Variants in ACMSD observed in about 807,000 individuals in gnomAD.
The protein encoded by ACMSD is 2-amino-3-carboxymuconate-6-semialdehyde decarboxylase.
A neutral mutation model predicts 45.9 loss-of-function variants in ACMSD; 37 were observed. The observed-to-expected ratio is 0.81, with a 90% confidence interval of 0.62 to 1.06. ACMSD has a LOEUF of 1.06. ACMSD is among the 50% of genes least tolerant of loss of function. The probability of loss-of-function intolerance (pLI) is 0.00; values close to 1 mark genes in which losing one functional copy is unlikely to be tolerated. For missense variants in ACMSD, 434 were observed against 420.9 expected (o/e 1.03, Z -0.27); for synonymous variants, 138 against 148.8 (o/e 0.93, Z 0.53).
chr2:134,843,392 C>CTAGCCCCAAA (rs1686897186), intron 1 of ACMSD, among the ~76,000 whole-genome samples: 1 of 152,158 alleles, frequency 6.6e-6, no homozygotes, highest in African/African-American at 2.4e-5. Context: ...AAGAACAGAC[C>CTAGCCCCAAA]TTATACCTGG....
chr2:134,858,948 T>G lies in ACMSD; in HGVS notation c.103-313T>G, dbSNP rs1687718727. Among the ~76,000 whole-genome samples the G allele has an allele frequency of 2.7e-5, 4 of 147,504 alleles. No homozygotes were observed. In the Admixed American group the frequency reaches 2.8e-4, roughly 10 times the overall value. On this transcript the variant is annotated intron_variant, in intron 2 of 9. Coordinates refer to ENST00000356140, the MANE Select transcript of ACMSD (RefSeq NM_138326.3). ...AGACGCTGGGCCATCCTCTTGTATC[T>G]AGTAGCCAGGGGTTCAGATCAGCAA... is the stretch of plus-strand genomic sequence containing the variant.
chr2:134,869,306 G>A (rs766707719), intron 6 of ACMSD, among the ~76,000 whole-genome samples: 12 of 151,884 alleles, frequency 7.9e-5, no homozygotes, highest in East Asian at 3.9e-4. Flanking sequence ...TCTGCCTCCC[G>A]GGTTCAAGTG....
intron 2 of ACMSD, among the ~76,000 whole-genome samples, chr2:134,853,005 A>G (rs1462385045): frequency 6.6e-6 from 1 of 152,058 alleles, no homozygotes; most frequent in Non-Finnish European, 1.5e-5. Context: ...TCTACTAAAA[A>G]TACAAAAATT....
intron 1 of ACMSD, among the ~76,000 whole-genome samples, chr2:134,840,115 A>G (rs536380611): frequency 2.5e-4 from 36 of 143,514 alleles, no homozygotes; most frequent in African/African-American, 8.9e-4. Flanking sequence ...AGTTTTAGAA[A>G]AATCCAAATT....
intron 9 of ACMSD, 59 bp downstream of exon 9, chr2:134,898,498 G>A: frequency 1.6e-6 from 2 of 1,226,098 alleles, no homozygotes; most frequent in Non-Finnish European, 1.1e-6. Flanking sequence ...AATTGGGTTT[G>A]GTTTCAGAGC....
intron 3 of ACMSD, among the ~76,000 whole-genome samples, chr2:134,861,330 G>A (rs1177077616): frequency 1.3e-5 from 2 of 152,166 alleles, no homozygotes; most frequent in East Asian, 1.9e-4. Context: ...CACGGTAAAC[G>A]AAGTGTGTGT....
chr2:134,900,729 T>C (rs1186742448), intron 9 of ACMSD, among the ~76,000 whole-genome samples: 4 of 152,172 alleles, frequency 2.6e-5, no homozygotes. Flanking sequence ...AAGGGGGGAC[T>C]GCTGTATATA....
rs1688171319 is a variant in ACMSD, at chr2:134,867,687, G to A, written c.580+15G>A. The A allele has an allele frequency of 6.2e-7, 1 of 1,610,844 alleles. No homozygotes were observed. Among genetic ancestry groups the A allele is most frequent in the Non-Finnish European group, 8.5e-7 (1 of 1,177,630 alleles). On this transcript the variant is annotated intron_variant, in intron 6 of 9. Transcript: ENST00000356140. ...TTGGCTTGTAGGTTTGTGTCTGTGT[G>A]GGGTCTGGAACAGAGGACCAACTCT...
At chr2:134,859,162 T>C in intron 2 of ACMSD, 99 bp from the exon 3 acceptor site, 1 of 978,978 alleles carries the variant, frequency 1.0e-6, no homozygotes, top group Non-Finnish European at 1.5e-6. Context: ...TAAAAATCTT[T>C]TCAAATATTA....
chr2:134,894,561 C>T (rs1573726545), intron 8 of ACMSD, among the ~76,000 whole-genome samples: 1 of 152,082 alleles, frequency 6.6e-6, no homozygotes, highest in African/African-American at 2.4e-5. Flanking sequence ...ACAAATTCTT[C>T]ACCAATGCTT....
intron 1 of ACMSD, among the ~76,000 whole-genome samples, chr2:134,840,385 A>G (rs1322317949): frequency 1.3e-5 from 2 of 151,962 alleles, no homozygotes; most frequent in Non-Finnish European, 2.9e-5. Flanking sequence ...CTCCTTGTGC[A>G]GACAGGATTT....
intron 6 of ACMSD, among the ~76,000 whole-genome samples, chr2:134,870,228 A>T (rs1688363345): frequency 6.6e-6 from 1 of 152,228 alleles, no homozygotes; most frequent in South Asian, 2.1e-4. Context: ...TGAAGGCATT[A>T]GACATGGACC....
At chr2:134,845,170 A>G (rs1686991317) in intron 1 of ACMSD, 63 bp from the exon 2 acceptor site, 2 of 1,573,026 alleles carry the variant, frequency 1.3e-6, no homozygotes, top group Admixed American at 1.7e-5. Flanking sequence ...TGCACTTAGC[A>G]TGCCCCTTGA....
intron 8 of ACMSD, among the ~76,000 whole-genome samples, chr2:134,883,087 A>G (rs1689133026): frequency 6.6e-6 from 1 of 152,216 alleles, no homozygotes; most frequent in South Asian, 2.1e-4. Context: ...ATTCCAGATG[A>G]GGCAGCCATG....
At chr2:134,864,798 A>C (rs1284220142) in intron 5 of ACMSD, among the ~76,000 whole-genome samples, 2 of 152,218 alleles carry the variant, frequency 1.3e-5, no homozygotes, top group Non-Finnish European at 2.9e-5. Context: ...TCAAAAATTC[A>C]GTGCCATTCA....
At chr2:134,873,699 G>T (rs1688585809) in intron 8 of ACMSD, 1 of 152,182 alleles carries the variant, frequency 6.6e-6, no homozygotes, top group Admixed American at 6.5e-5. Context: ...ATTTTAGCTT[G>T]GTAATCAATT....
chr2:134,899,668 G>A (rs1056337386), intron 9 of ACMSD, among the ~76,000 whole-genome samples: 4 of 151,826 alleles, frequency 2.6e-5, no homozygotes, highest in African/African-American at 9.7e-5. Context: ...CTTGCATAAA[G>A]GCTTTATACT....
At chr2:134,886,822 A>G (rs1378902205) in intron 8 of ACMSD, among the ~76,000 whole-genome samples, 1 of 152,220 alleles carries the variant, frequency 6.6e-6, no homozygotes, top group Admixed American at 6.5e-5. Flanking sequence ...ATGACATGAC[A>G]TAATTGTTTA....
At position 134,870,903 on chromosome 2, in the gene ACMSD, A is replaced by G. The variant is rs190899756; in HGVS notation, c.581-62A>G. On this transcript the variant is annotated intron_variant, in intron 6 of 9. Transcript: ENST00000356140. ...CACTGACAATTCCCCAGCCACTAAC[A>G]TCACTGAATTCTTCTTGGTGGGGTG... The G allele has an allele frequency of 5.4e-3, 7,746 of 1,425,724 alleles. 108 individuals carry two copies. The highest frequency in any genetic ancestry group is 0.037 in the South Asian group (3,118 of 84,926). 88.3% of individuals were successfully genotyped at this position (1,425,724 alleles called of 1,614,324 possible). A position where few individuals can be genotyped will look rare whatever the true frequency, so the allele number is the denominator to read the frequency against.
Sources: gnomAD v4.1 joint callset for allele counts (sites outside exome capture counted in the v4.1 genomes callset) on GRCh38, gnomAD v4.1.1 for gene constraint, MANE v1.5 for transcripts, NCBI Gene and HGNC (gene_info 2026-07-23, HGNC 2026-07-21) for gene names.